Variants in WIPF1 observed in about 807,000 individuals in gnomAD.
The protein encoded by WIPF1 is WAS/WASL-interacting protein family member 1.
WIPF1 carries 13 observed loss-of-function variants against 35.4 expected under a neutral mutation model. That is an observed-to-expected ratio of 0.37 (90% CI 0.24 to 0.58). The LOEUF (loss-of-function observed/expected upper bound fraction) is 0.58. WIPF1 is among the 20% of genes least tolerant of loss of function. The pLI, the probability that WIPF1 is intolerant of heterozygous loss-of-function variation, is 0.74. For missense variants in WIPF1, 591 were observed against 667.0 expected, an observed-to-expected ratio of 0.89 and a Z score of 1.25; for synonymous variants, 267 against 266.3, an observed-to-expected ratio of 1.00 and a Z score of -0.02.
intron 1 of WIPF1, among the ~76,000 whole-genome samples, chr2:174,594,086 A>T (rs1016141873): frequency 2.0e-5 from 3 of 151,844 alleles, no homozygotes; most frequent in African/African-American, 7.2e-5. Context: ...TCATTTCTCA[A>T]AATGTACTGC....
intron 1 of WIPF1, among the ~76,000 whole-genome samples, chr2:174,615,589 A>G (rs1241623581): frequency 6.6e-6 from 1 of 152,240 alleles, no homozygotes; most frequent in East Asian, 1.9e-4. Context: ...CAACATTTAA[A>G]AGTATTCAAA....
intron 1 of WIPF1, among the ~76,000 whole-genome samples, chr2:174,595,306 A>C (rs1301739531): frequency 6.8e-6 from 1 of 147,746 alleles, no homozygotes; most frequent in Non-Finnish European, 1.5e-5. Context: ...AAAAAAAAAA[A>C]AAAACAGAAA....
At chr2:174,615,174 G>C (rs1457497362) in intron 1 of WIPF1, among the ~76,000 whole-genome samples, 1 of 152,094 alleles carries the variant, frequency 6.6e-6, no homozygotes, top group Non-Finnish European at 1.5e-5. Context: ...GGAAGAAACT[G>C]ATACCTGTTA....
At chr2:174,613,810 T>G (rs1485689175) in intron 1 of WIPF1, among the ~76,000 whole-genome samples, 1 of 152,156 alleles carries the variant, frequency 6.6e-6, no homozygotes, top group Non-Finnish European at 1.5e-5. Flanking sequence ...TTCAATGCAA[T>G]GTAAGAATGA....
rs556650310 is a variant in WIPF1 at position 174,590,743 on chromosome 2, C to T, written c.-38-5132G>A. The stretch of plus-strand genomic sequence containing the variant: ...CTTGCCCTCCTACCCCACCCCAACC[C>T]AAGCAATGAACTTTTAAGAAGTCAC... On this transcript the variant is annotated intron_variant, in intron 1 of 7. Transcript: ENST00000679041. The surrounding 1 kb of genome is among the most constrained non-coding windows in gnomAD (Gnocchi z 4.6). 6.6e-6 allele frequency among the ~76,000 whole-genome samples: 1 copy of T among 152,290 alleles called. No homozygotes were observed. The highest frequency in any genetic ancestry group is 2.4e-5 in the African/African-American group (1 of 41,560).
At chr2:174,647,947 T>G (rs546695068) in intron 1 of WIPF1, among the ~76,000 whole-genome samples, 44 of 152,324 alleles carry the variant, frequency 2.9e-4, no homozygotes, top group Non-Finnish European at 4.3e-4. Flanking sequence ...TGAAAGAGAC[T>G]CCAGGCAGAA....
At chr2:174,584,835 G>T (rs780305002) in intron 2 of WIPF1, among the ~76,000 whole-genome samples, 1 of 151,968 alleles carries the variant, frequency 6.6e-6, no homozygotes, top group Admixed American at 6.6e-5. Flanking sequence ...TCACTTGAAC[G>T]GGAGGTGGAA....
intron 1 of WIPF1, among the ~76,000 whole-genome samples, chr2:174,620,360 A>G (rs113804419): frequency 0.011 from 1,600 of 152,372 alleles, 30 homozygotes; most frequent in African/African-American, 0.037. Context: ...AATGGAAGCA[A>G]CAAGCCATTG....
Position 174,571,499 on chromosome 2 carries a change from A to G in WIPF1, c.1129+177T>C, listed in dbSNP as rs1574790021. The G allele has an allele frequency of 3.7e-6, 3 of 813,698 alleles. No homozygotes were observed. The highest frequency in any genetic ancestry group is 5.1e-5 in the East Asian group (2 of 38,916). 50.4% of individuals were successfully genotyped at this position (813,698 alleles called of 1,614,324 possible). A position where few individuals can be genotyped will look rare whatever the true frequency, so the allele number is the denominator to read the frequency against. On this transcript the variant is annotated intron_variant, in intron 5 of 7. Transcript: ENST00000679041. The surrounding 1 kb of genome is among the most constrained non-coding windows in gnomAD (Gnocchi z 4.6). ...AAACACCAACAGAAATATTGGTCCCACTTTCCCCCGGGGTTTACACGAGGT... is the reference window on the plus strand; with the variant it reads ...AAACACCAACAGAAATATTGGTCCCGCTTTCCCCCGGGGTTTACACGAGGT...
intron 1 of WIPF1, among the ~76,000 whole-genome samples, chr2:174,672,685 T>G (rs1688045292): frequency 6.6e-6 from 1 of 152,218 alleles, no homozygotes; most frequent in Non-Finnish European, 1.5e-5. Flanking sequence ...TACGTGGAGA[T>G]GTTAATGGTG....
At chr2:174,595,054 A>G (rs1374497770) in intron 1 of WIPF1, among the ~76,000 whole-genome samples, 1 of 128,824 alleles carries the variant, frequency 7.8e-6, no homozygotes, top group Non-Finnish European at 1.6e-5. Flanking sequence ...GTTTGAGACC[A>G]TCCTGGGCAA....
chr2:174,563,474 G>A (rs56240673), intron 7 of WIPF1, among the ~76,000 whole-genome samples: 20,993 of 152,060 alleles, frequency 0.14, 1,967 homozygotes, highest in African/African-American at 0.26. Context: ...AGGCTGTGGT[G>A]GGAGGATCAC....
intron 1 of WIPF1, among the ~76,000 whole-genome samples, chr2:174,620,392 G>GA (rs1422724692): frequency 1.3e-5 from 2 of 151,990 alleles, no homozygotes; most frequent in Non-Finnish European, 2.9e-5. Flanking sequence ...AAAGTATAAG[G>GA]AAAAAAACTG....
intron 1 of WIPF1, among the ~76,000 whole-genome samples, chr2:174,607,537 C>T (rs755384474): frequency 6.6e-6 from 1 of 152,210 alleles, no homozygotes; most frequent in African/African-American, 2.4e-5. Context: ...AGTGGCTTTC[C>T]ATTTTATACC....
At position 174,655,004 on chromosome 2, in the gene WIPF1, G is replaced by A. The variant is rs533864683; in HGVS notation, c.-39+27770C>T. ...TTGTGGCAGACCACTGAATTCAAAGGCATCTAACTTGGTATGTCCACGCTG... is the reference window on the plus strand; with the variant it reads ...TTGTGGCAGACCACTGAATTCAAAGACATCTAACTTGGTATGTCCACGCTG... On this transcript the variant is annotated intron_variant, in intron 1 of 8. Coordinates refer to the WIPF1 transcript ENST00000272746. Among the ~76,000 whole-genome samples the A allele has an allele frequency of 2.0e-5, 3 of 152,284 alleles. No homozygotes were observed. In the South Asian group the frequency reaches 6.2e-4, roughly 32 times the overall value.
intron 1 of WIPF1, among the ~76,000 whole-genome samples, chr2:174,612,358 A>G (rs1337353269): frequency 6.6e-6 from 1 of 152,060 alleles, no homozygotes; most frequent in Non-Finnish European, 1.5e-5. Context: ...ATTTCCCCAT[A>G]TTATTCTCTT....
At chr2:174,671,586 T>C in intron 1 of WIPF1, among the ~76,000 whole-genome samples, 1 of 152,166 alleles carries the variant, frequency 6.6e-6, no homozygotes, top group East Asian at 1.9e-4. Flanking sequence ...ACAGGAGATA[T>C]ATCGCTGAAT....
upstream of WIPF1, among the ~76,000 whole-genome samples, chr2:174,601,432 A>G (rs10221651): frequency 0.26 from 39,297 of 152,146 alleles, 5,332 homozygotes; most frequent in Middle Eastern, 0.39. Flanking sequence ...ACCATTGGGC[A>G]ATGTGAAGAG....
chr2:174,664,939 T>C (rs1027020825), intron 1 of WIPF1, among the ~76,000 whole-genome samples: 2 of 152,218 alleles, frequency 1.3e-5, no homozygotes, highest in African/African-American at 2.4e-5. Flanking sequence ...GGCCTGGATC[T>C]TTCTTATCTA....
Sources: allele counts gnomAD v4.1 joint callset (sites outside exome capture counted in the v4.1 genomes callset), GRCh38; gene constraint gnomAD v4.1.1; non-coding constraint Gnocchi (gnomAD v3.1); transcripts MANE v1.5; gene names NCBI Gene and HGNC (gene_info 2026-07-23, HGNC 2026-07-21).